Variants in CDH10 observed in about 807,000 individuals in gnomAD.
CDH10 encodes cadherin 10, also known as cadherin-10.
CDH10 carries 30 observed loss-of-function variants against 73.1 expected under a neutral mutation model. The observed-to-expected ratio is 0.41, with a 90% CI of 0.31 to 0.56. The LOEUF is 0.56. Ranked by LOEUF, CDH10 falls within the 20% of genes least tolerant of loss-of-function variation. The probability of loss-of-function intolerance (pLI) is 0.27; values close to 1 mark genes in which losing one functional copy is unlikely to be tolerated. For synonymous variants in CDH10, 345 were observed against 348.2 expected, an observed-to-expected ratio of 0.99 and a Z score of 0.10; for missense variants, 815 against 973.7, an observed-to-expected ratio of 0.84 and a Z score of 2.17.
At position 24,593,517 on chromosome 5, in the gene CDH10, T is replaced by C. The variant is rs2112094867; in HGVS notation, c.-27A>G. ...GTTCACTTCTTGACAAATCCCAGTGTAGATGAAGAGAAGTGGTCCTATTTT... is the reference window on the plus strand; with the variant it reads ...GTTCACTTCTTGACAAATCCCAGTGCAGATGAAGAGAAGTGGTCCTATTTT... On this transcript the variant is annotated 5_prime_UTR_variant, in exon 2 of 12. Coordinates refer to ENST00000264463, the MANE Select transcript of CDH10 (RefSeq NM_006727.5). The C allele has an allele frequency of 7.6e-7, 1 of 1,313,340 alleles. No individual in the cohort carries two copies. Among genetic ancestry groups the C allele is most frequent in the Non-Finnish European group, 1.1e-6 (1 of 907,528 alleles). The allele number at this position is 1,313,340 out of a possible 1,614,324, so 81.4% of individuals were successfully genotyped here. A position where few individuals can be genotyped will look rare whatever the true frequency, so the allele number is the denominator to read the frequency against.
At chr5:24,531,717 C>T (rs1357162028) in intron 5 of CDH10, among the ~76,000 whole-genome samples, 1 of 152,040 alleles carries the variant, frequency 6.6e-6, no homozygotes, top group Admixed American at 6.6e-5. Flanking sequence ...TCCCATGACA[C>T]GTGGGAATTA....
At chr5:24,614,523 A>G (rs1747066086) in intron 1 of CDH10, among the ~76,000 whole-genome samples, 1 of 152,206 alleles carries the variant, frequency 6.6e-6, no homozygotes, top group Non-Finnish European at 1.5e-5. Flanking sequence ...TGAGGAAATG[A>G]CTAGCATGAC....
intron 1 of CDH10, among the ~76,000 whole-genome samples, chr5:24,644,004 T>C (rs1016591422): frequency 1.3e-5 from 2 of 152,122 alleles, no homozygotes; most frequent in Non-Finnish European, 2.9e-5. Flanking sequence ...AAATTGAAAA[T>C]AAGAATTCTG....
Position 24,509,786 on chromosome 5 carries a change from G to T in CDH10, c.1036C>A (p.Leu346Met), listed in dbSNP as rs1350292165. 6.2e-7 allele frequency: 1 copy of T among 1,611,912 alleles called. No individual in the cohort carries two copies. The highest frequency in any genetic ancestry group is 1.1e-5 in the South Asian group (1 of 91,010). ...TGGGTGTTTTCTGCTTCGACTTTCAGAGTATAAAGTCTTCGGCTCTCATAG... is the reference window on the plus strand; with the variant it reads ...TGGGTGTTTTCTGCTTCGACTTTCATAGTATAAAGTCTTCGGCTCTCATAG... ...LDYESRRLYTLKVEAENTHVD... is the reference protein window; with the variant it reads ...LDYESRRLYTMKVEAENTHVD... The change falls in exon 7 of 12, where the codon CTG (leucine) becomes ATG (methionine). Residue 346 changes from leucine to methionine, a missense_variant. By Grantham distance (15) the Leu-to-Met change is conservative. Transcript: ENST00000264463.
intron 2 of CDH10, among the ~76,000 whole-genome samples, chr5:24,550,981 T>C (rs1744520382): frequency 1.3e-5 from 2 of 152,152 alleles, no homozygotes; most frequent in African/African-American, 4.8e-5. Flanking sequence ...GTGAGAATGA[T>C]GATTTTTAAA....
At chr5:24,553,570 T>C (rs1000520359) in intron 2 of CDH10, among the ~76,000 whole-genome samples, 4 of 152,192 alleles carry the variant, frequency 2.6e-5, no homozygotes, top group African/African-American at 9.6e-5. Flanking sequence ...ATTTTTATGA[T>C]TTGTACAAAA....
intron 2 of CDH10, among the ~76,000 whole-genome samples, chr5:24,546,506 T>A (rs1744347739): frequency 6.6e-6 from 1 of 152,122 alleles, no homozygotes; most frequent in African/African-American, 2.4e-5. Context: ...ACCCTAAAAC[T>A]TCGTACTCAT....
At chr5:24,552,059 A>G (rs1316761452) in intron 2 of CDH10, among the ~76,000 whole-genome samples, 1 of 152,146 alleles carries the variant, frequency 6.6e-6, no homozygotes, top group Non-Finnish European at 1.5e-5. Flanking sequence ...GTATTCTTGC[A>G]AAATATTTTA....
chr5:24,610,850 C>A (rs993587591), intron 1 of CDH10, among the ~76,000 whole-genome samples: 1 of 152,106 alleles, frequency 6.6e-6, no homozygotes, highest in Non-Finnish European at 1.5e-5. Flanking sequence ...TGATGTCCTC[C>A]TAAGACTGTA....
At chr5:24,616,126 A>T (rs1336701734) in intron 1 of CDH10, among the ~76,000 whole-genome samples, 2 of 123,548 alleles carry the variant, frequency 1.6e-5, no homozygotes, top group East Asian at 2.0e-4. Flanking sequence ...CAGAAAGTTA[A>T]AAAAAAAAAG....
At chr5:24,614,582 T>C (rs1481082891) in intron 1 of CDH10, among the ~76,000 whole-genome samples, 1 of 152,214 alleles carries the variant, frequency 6.6e-6, no homozygotes, top group African/African-American at 2.4e-5. Flanking sequence ...TCCATTTTTT[T>C]CTCTGTCACT....
chr5:24,522,232 C>T (rs1743361158), intron 5 of CDH10, among the ~76,000 whole-genome samples: 1 of 152,050 alleles, frequency 6.6e-6, no homozygotes, highest in East Asian at 1.9e-4. Flanking sequence ...ACTGACATTT[C>T]AACAGCAACT....
At chr5:24,496,491 C>T (rs780320668) in intron 9 of CDH10, among the ~76,000 whole-genome samples, 3 of 152,056 alleles carry the variant, frequency 2.0e-5, no homozygotes, top group Non-Finnish European at 4.4e-5. Context: ...TTAAAAGTTG[C>T]AACATTTCCA....
chr5:24,619,045 A>G (rs927488470), intron 1 of CDH10, among the ~76,000 whole-genome samples: 3 of 152,042 alleles, frequency 2.0e-5, no homozygotes, highest in African/African-American at 7.2e-5. Flanking sequence ...CTATTTCTCT[A>G]CTTTTGAAAT....
chr5:24,618,136 A>T (rs1214392068), intron 1 of CDH10, among the ~76,000 whole-genome samples: 1 of 152,182 alleles, frequency 6.6e-6, no homozygotes, highest in African/African-American at 2.4e-5. Context: ...GTAGTTCATC[A>T]TCTGTTCAGA....
At chr5:24,625,554 T>TATATATTC (rs1457151020) in intron 1 of CDH10, among the ~76,000 whole-genome samples, 1 of 88,230 alleles carries the variant, frequency 1.1e-5, no homozygotes, top group Non-Finnish European at 3.1e-5. Context: ...TCTGTATATA[T>TATATATTC]ATATATATTC....
intron 1 of CDH10, among the ~76,000 whole-genome samples, chr5:24,606,187 A>G (rs986044804): frequency 6.6e-6 from 1 of 152,178 alleles, no homozygotes. Flanking sequence ...CCTAGAAAGG[A>G]TGAATTTTAC....
chr5:24,581,829 G>C (rs1745813992), intron 2 of CDH10, among the ~76,000 whole-genome samples: 3 of 151,974 alleles, frequency 2.0e-5, no homozygotes, highest in Admixed American at 1.3e-4. Flanking sequence ...TTCATTATTT[G>C]CTTGGATTTA....
At chr5:24,503,488 A>G (rs1428251691) in intron 8 of CDH10, among the ~76,000 whole-genome samples, 1 of 152,142 alleles carries the variant, frequency 6.6e-6, no homozygotes, top group East Asian at 1.9e-4. Context: ...TTAATGCTCC[A>G]TCTCACATTT....
Sources: allele counts gnomAD v4.1 joint callset (sites outside exome capture counted in the v4.1 genomes callset), GRCh38; gene constraint gnomAD v4.1.1; transcripts MANE v1.5; gene names NCBI Gene and HGNC (gene_info 2026-07-23, HGNC 2026-07-21).